The following CSMD1 variants were observed in gnomAD, a reference collection of about 807,000 sequenced individuals.
The protein encoded by CSMD1 is CUB and sushi domain-containing protein 1.
A neutral mutation model predicts 417.5 loss-of-function variants in CSMD1; 213 were observed. That is an observed-to-expected ratio of 0.51 (90% CI 0.46 to 0.57). The LOEUF (loss-of-function observed/expected upper bound fraction) is 0.57. CSMD1 is among the 20% of genes least tolerant of loss of function. The pLI is 0.00. For missense variants in CSMD1, 6,923 were observed against 4,529.7 expected (o/e 1.53, Z -15.17); for synonymous variants, 2,862 against 1,736.8 (o/e 1.65, Z -16.11).
intron 3 of CSMD1, among the ~76,000 whole-genome samples, chr8:4,064,466 C>T (rs1434450766): frequency 2.0e-5 from 3 of 152,194 alleles, no homozygotes; most frequent in Non-Finnish European, 4.4e-5. Context: ...TATATCAAAA[C>T]TGTAGCTGTC....
chr8:3,164,825 G>T (rs1422162686), intron 37 of CSMD1, among the ~76,000 whole-genome samples: 1 of 151,948 alleles, frequency 6.6e-6, no homozygotes, highest in Non-Finnish European at 1.5e-5. Flanking sequence ...CATATTAAAG[G>T]CCAGTTACTA....
At chr8:4,221,950 T>C (rs567460039) in intron 3 of CSMD1, among the ~76,000 whole-genome samples, 2 of 152,112 alleles carry the variant, frequency 1.3e-5, no homozygotes, top group African/African-American at 4.8e-5. Context: ...AACAACACTG[T>C]CCAGCACATC....
At chr8:3,062,059 A>G (rs1346561805) in intron 49 of CSMD1, among the ~76,000 whole-genome samples, 1 of 152,160 alleles carries the variant, frequency 6.6e-6, no homozygotes, top group African/African-American at 2.4e-5. Flanking sequence ...TCAACATTCA[A>G]TCAATCACTT....
At chr8:3,087,353 G>A in intron 48 of CSMD1, 68 bp from the exon 49 acceptor site, 1 of 1,480,818 alleles carries the variant, frequency 6.8e-7, no homozygotes, top group Non-Finnish European at 9.4e-7. Context: ...CATTGCCTTT[G>A]TGAGAGTCTA....
intron 6 of CSMD1, among the ~76,000 whole-genome samples, chr8:3,749,829 G>A (rs1418591051): frequency 7.9e-5 from 12 of 151,806 alleles, no homozygotes; most frequent in African/African-American, 2.9e-4. Context: ...TACTTCTATG[G>A]TTAATGAACA....
intron 4 of CSMD1, among the ~76,000 whole-genome samples, chr8:4,027,793 GAAGT>G (rs1797139987): frequency 6.6e-6 from 1 of 152,144 alleles, no homozygotes; most frequent in African/African-American, 2.4e-5. Context: ...GGCAGAAATG[GAAGT>G]AAGGCCAAGA....
chr8:2,968,704 G>A (rs1204083100), intron 57 of CSMD1, among the ~76,000 whole-genome samples: 2 of 151,672 alleles, frequency 1.3e-5, no homozygotes, highest in African/African-American at 2.4e-5. Context: ...TATAAGACAG[G>A]ACTAAGACTA....
In CSMD1 at chr8:3,151,415, A is replaced by C. The variant is rs976887815; in HGVS notation, c.6013T>G (p.Ser2005Ala). Reference sequence around the variant, plus strand: ...CACTTACCATAGCCGATGGGTAATGAGATCCTCCAGGTGCAGTCTAAGTTG... The same window carrying C: ...CACTTACCATAGCCGATGGGTAATGCGATCCTCCAGGTGCAGTCTAAGTTG... The part of the protein sequence containing the change: ...PNNLDCTWRI[S>A]LPIGYGAHIQ... Residue 2005 changes from serine (S) to alanine (A), a missense_variant, in exon 40 of 70, where the codon TCA (serine) becomes GCA (alanine). Ser to Ala is a moderately conservative substitution (Grantham distance 99). Coordinates refer to ENST00000635120, the MANE Select transcript of CSMD1 (RefSeq NM_033225.6). The C allele has an allele frequency of 6.2e-7, 1 of 1,611,724 alleles. No individual in the cohort carries two copies. The highest frequency in any genetic ancestry group is 8.5e-7 in the Non-Finnish European group (1 of 1,178,160).
chr8:4,896,108 C>T (rs1278569299), intron 1 of CSMD1, among the ~76,000 whole-genome samples: 1 of 152,096 alleles, frequency 6.6e-6, no homozygotes, highest in African/African-American at 2.4e-5. Context: ...TTTCTGCCTT[C>T]TGAAATCAAT....
chr8:4,650,794 CTTCT>C (rs1319522593), intron 1 of CSMD1, among the ~76,000 whole-genome samples: 11 of 152,040 alleles, frequency 7.2e-5, no homozygotes, highest in Non-Finnish European at 2.9e-5. Context: ...AGATTCTATT[CTTCT>C]TTATTTTACC....
intron 3 of CSMD1, among the ~76,000 whole-genome samples, chr8:4,305,971 T>A (rs1054537669): frequency 3.9e-5 from 6 of 152,182 alleles, no homozygotes; most frequent in Non-Finnish European, 8.8e-5. Flanking sequence ...TACTGATACA[T>A]AGTGTGCCCA....
At chr8:4,129,944 A>T (rs775641751) in intron 3 of CSMD1, among the ~76,000 whole-genome samples, 1 of 152,108 alleles carries the variant, frequency 6.6e-6, no homozygotes, top group Non-Finnish European at 1.5e-5. Context: ...TTAAGTTCTT[A>T]TATCTTGCAA....
At chr8:4,823,488 A>G (rs1799635736) in intron 1 of CSMD1, among the ~76,000 whole-genome samples, 1 of 152,060 alleles carries the variant, frequency 6.6e-6, no homozygotes, top group Admixed American at 6.6e-5. Flanking sequence ...ATTCCATAGA[A>G]TAATGCATAT....
chr8:3,288,430 G>C (rs889976405), intron 25 of CSMD1, among the ~76,000 whole-genome samples: 2 of 146,936 alleles, frequency 1.4e-5, no homozygotes, highest in South Asian at 4.2e-4. Context: ...ATCTGGTCCT[G>C]GACTTTTTTT....
intron 41 of CSMD1, chr8:3,128,881 A>T (rs1481569809): frequency 6.6e-6 from 3 of 455,452 alleles, no homozygotes; most frequent in Non-Finnish European, 8.8e-6. Flanking sequence ...GGAAAGCAGG[A>T]CCAATGTTTC....
intron 36 of CSMD1, chr8:3,182,854 G>GTGTGTGTGTGTGTGTGTGTGTGTC (rs1821470517): frequency 9.3e-6 from 1 of 107,964 alleles, no homozygotes; most frequent in Non-Finnish European, 1.8e-5. Flanking sequence ...GTGTGTGTGT[G>GTGTGTGTGTGTGTGTGTGTGTGTC]TGTGTGTGTG....
chr8:4,309,549 G>A (rs1467871077), intron 3 of CSMD1, among the ~76,000 whole-genome samples: 1 of 151,890 alleles, frequency 6.6e-6, no homozygotes, highest in Non-Finnish European at 1.5e-5. Context: ...ATAAATCATA[G>A]GCTCACATCA....
At chr8:3,597,565 G>A (rs1289078145) in intron 8 of CSMD1, among the ~76,000 whole-genome samples, 1 of 152,132 alleles carries the variant, frequency 6.6e-6, no homozygotes, top group Non-Finnish European at 1.5e-5. Flanking sequence ...GCCAAGAATT[G>A]TCATTTCCAT....
At chr8:4,772,526 T>C (rs1369468279) in intron 1 of CSMD1, among the ~76,000 whole-genome samples, 2 of 152,214 alleles carry the variant, frequency 1.3e-5, no homozygotes, top group South Asian at 4.1e-4. Flanking sequence ...ACAGCATGGA[T>C]ATTTTGAGAA....
Sources: gnomAD v4.1 joint callset for allele counts (sites outside exome capture counted in the v4.1 genomes callset) on GRCh38, gnomAD v4.1.1 for gene constraint, MANE v1.5 for transcripts, NCBI Gene and HGNC (gene_info 2026-07-23, HGNC 2026-07-21) for gene names.